Variants in MARCHF1 observed in about 807,000 individuals in gnomAD.
MARCHF1 encodes the protein E3 ubiquitin-protein ligase MARCHF1.
In MARCHF1, 40 loss-of-function variants were observed where a neutral mutation model predicts 54.2. The ratio of observed to expected loss-of-function variants is 0.74; its 90% CI spans 0.57 to 0.96. The LOEUF is 0.96. MARCHF1 is among the 40% of genes least tolerant of loss of function. The pLI is 0.00. For missense variants in MARCHF1, 586 were observed against 656.5 expected, an observed-to-expected ratio of 0.89 and a Z score of 1.17; for synonymous variants, 236 against 236.3, an observed-to-expected ratio of 1.00 and a Z score of 0.01.
intron 4 of MARCHF1, among the ~76,000 whole-genome samples, chr4:163,768,320 G>A (rs1381258566): frequency 2.6e-5 from 4 of 152,024 alleles, no homozygotes; most frequent in Non-Finnish European, 5.9e-5. Flanking sequence ...CATTATAAAG[G>A]GCTTACTTCG....
chr4:164,229,169 G>T (rs1732340059), intron 1 of MARCHF1, among the ~76,000 whole-genome samples: 1 of 152,178 alleles, frequency 6.6e-6, no homozygotes, highest in Admixed American at 6.5e-5. Context: ...TGACACATCT[G>T]CCTTCAAGAA....
chr4:164,289,757 T>A (rs574244042), intron 1 of MARCHF1, among the ~76,000 whole-genome samples: 17 of 151,908 alleles, frequency 1.1e-4, no homozygotes, highest in African/African-American at 3.1e-4. Flanking sequence ...CAATGACTTT[T>A]AAAAAATCTG....
chr4:164,102,739 G>A (rs1755596567), intron 2 of MARCHF1, among the ~76,000 whole-genome samples: 1 of 151,390 alleles, frequency 6.6e-6, no homozygotes, highest in South Asian at 2.1e-4. Flanking sequence ...ACATCATAAT[G>A]ACAGGATTAA....
chr4:164,382,580 A>G (rs1298830686), intron 1 of MARCHF1, among the ~76,000 whole-genome samples: 1 of 152,170 alleles, frequency 6.6e-6, no homozygotes, highest in Non-Finnish European at 1.5e-5. Flanking sequence ...TGAACCCCCA[A>G]AGTAGCAAAC....
intron 2 of MARCHF1, among the ~76,000 whole-genome samples, chr4:164,063,485 G>C (rs1180085938): frequency 6.6e-6 from 1 of 152,122 alleles, no homozygotes; most frequent in Non-Finnish European, 1.5e-5. Context: ...CTCAACCTCT[G>C]CAAGCATCAA....
At chr4:164,331,261 A>G (rs535198843) in intron 1 of MARCHF1, among the ~76,000 whole-genome samples, 3 of 152,320 alleles carry the variant, frequency 2.0e-5, no homozygotes, top group South Asian at 4.1e-4. Context: ...AATAAGTTAC[A>G]TTAAAAAAAA....
rs57173687 is a variant in MARCHF1 at position 163,700,528 on chromosome 4, AGAAGGAAGGAAGGAAG to A, written c.162+269_162+284del. Among the ~76,000 whole-genome samples, 450 of 114,564 alleles carry A rather than the reference AGAAGGAAGGAAGGAAG, an allele frequency of 3.9e-3. 6 individuals carry two copies. Among genetic ancestry groups the A allele is most frequent in the Non-Finnish European group, 4.9e-3 (271 of 55,660 alleles). The allele number at this position is 114,564 out of a possible 152,430, so 75.2% of individuals were successfully genotyped here. On this transcript the variant is annotated intron_variant, in intron 5 of 9. Transcript: ENST00000514618. ...TAAAAAGATAGATAGAAAGAAAGAA[AGAAGGAAGGAAGGAAG>A]GAAGGAAGGAAGGAAGGAAGGAAGG... is the stretch of plus-strand genomic sequence containing the variant.
At chr4:163,781,406 T>TA (rs1424640510) in intron 4 of MARCHF1, among the ~76,000 whole-genome samples, 1 of 152,170 alleles carries the variant, frequency 6.6e-6, no homozygotes, top group Admixed American at 6.5e-5. Context: ...TGGAGCCAGA[T>TA]ACGGCCATTT....
At chr4:163,950,098 C>T (rs1267404475) in intron 3 of MARCHF1, among the ~76,000 whole-genome samples, 1 of 152,166 alleles carries the variant, frequency 6.6e-6, no homozygotes, top group Non-Finnish European at 1.5e-5. Flanking sequence ...AGGGCACAGG[C>T]CAGGCCCAGC....
intron 2 of MARCHF1, among the ~76,000 whole-genome samples, chr4:163,990,116 A>C (rs1752944665): frequency 6.6e-6 from 1 of 152,252 alleles, no homozygotes; most frequent in Non-Finnish European, 1.5e-5. Context: ...CAATATATGT[A>C]AAGACTGAAT....
At chr4:163,656,934 C>T (rs1050541732) in intron 5 of MARCHF1, among the ~76,000 whole-genome samples, 1 of 151,936 alleles carries the variant, frequency 6.6e-6, no homozygotes, top group Non-Finnish European at 1.5e-5. Flanking sequence ...TTATGGCAGG[C>T]CCACAGCCAA....
chr4:164,160,521 T>C (rs1467086506), intron 1 of MARCHF1, among the ~76,000 whole-genome samples: 2 of 152,180 alleles, frequency 1.3e-5, no homozygotes, highest in Non-Finnish European at 2.9e-5. Context: ...AATTGCACTA[T>C]TATAATATGA....
At chr4:163,933,717 T>C (rs1751731643) in intron 3 of MARCHF1, among the ~76,000 whole-genome samples, 3 of 152,244 alleles carry the variant, frequency 2.0e-5, no homozygotes, top group Admixed American at 2.0e-4. Flanking sequence ...AATGTATTCC[T>C]TTTTAGTAGG....
chr4:164,350,976 C>A (rs1730296849), intron 1 of MARCHF1, among the ~76,000 whole-genome samples: 1 of 152,022 alleles, frequency 6.6e-6, no homozygotes, highest in African/African-American at 2.4e-5. Context: ...AGGGAGTTCC[C>A]TTTCCGAGTC....
At chr4:163,658,648 G>A (rs1743234420) in intron 5 of MARCHF1, among the ~76,000 whole-genome samples, 1 of 151,978 alleles carries the variant, frequency 6.6e-6, no homozygotes, top group Non-Finnish European at 1.5e-5. Context: ...CAGAGACATG[G>A]ATGGAGCTGG....
chr4:163,564,883 T>G (rs1030591218), intron 8 of MARCHF1, among the ~76,000 whole-genome samples: 8 of 152,068 alleles, frequency 5.3e-5, no homozygotes, highest in African/African-American at 1.9e-4. Flanking sequence ...CTTTTTTTTT[T>G]TCATGATGTC....
intron 4 of MARCHF1, among the ~76,000 whole-genome samples, chr4:163,801,834 G>C (rs1359167173): frequency 1.3e-5 from 2 of 152,166 alleles, no homozygotes; most frequent in Non-Finnish European, 2.9e-5. Context: ...TTTCATCCAT[G>C]TTGTTGCCTA....
intron 3 of MARCHF1, among the ~76,000 whole-genome samples, chr4:163,863,206 G>A (rs374755064): frequency 1.3e-5 from 2 of 152,170 alleles, no homozygotes; most frequent in South Asian, 2.1e-4. Flanking sequence ...AAAGCAGGCT[G>A]TGAAAAATAC....
intron 5 of MARCHF1, among the ~76,000 whole-genome samples, chr4:163,682,397 G>A (rs1256408515): frequency 6.6e-6 from 1 of 152,190 alleles, no homozygotes; most frequent in Non-Finnish European, 1.5e-5. Context: ...AGAGACAATG[G>A]GGAAAATGTC....
Sources: allele counts gnomAD v4.1 joint callset (sites outside exome capture counted in the v4.1 genomes callset), GRCh38; gene constraint gnomAD v4.1.1; transcripts MANE v1.5; gene names NCBI Gene and HGNC (gene_info 2026-07-23, HGNC 2026-07-21).